SPECC1: variants seen among roughly 807,000 people sequenced by gnomAD.
SPECC1 encodes sperm antigen with calponin homology and coiled-coil domains 1.
Under a neutral mutation model 104.1 loss-of-function variants are expected in SPECC1, and 62 were observed. That is an observed-to-expected ratio of 0.60 (90% confidence interval 0.49 to 0.74). The LOEUF (loss-of-function observed/expected upper bound fraction) is 0.74, where lower values mean the gene tolerates loss of function less well. SPECC1 is among the 30% of genes least tolerant of loss of function. The pLI is 0.00. For missense variants in SPECC1, 1,306 were observed against 1,310.5 expected, an observed-to-expected ratio of 1.00 and a Z score of 0.05; for synonymous variants, 513 against 501.6, an observed-to-expected ratio of 1.02 and a Z score of -0.30.
At position 20,310,853 on chromosome 17, in the gene SPECC1, A is replaced by AT. The variant is rs1453661595; in HGVS notation, c.3118-3119dup. ...ATTTGTGCTTGATTGTGTGACAAGCATTTTGTTTTTCATATTTACTGTATG... is the reference window on the plus strand; with the variant it reads ...ATTTGTGCTTGATTGTGTGACAAGCATTTTTGTTTTTCATATTTACTGTATG... On this transcript the variant is annotated intron_variant, in intron 14 of 14. Transcript: ENST00000395527. Among the ~76,000 whole-genome samples, 1,235 of 151,508 alleles carry AT rather than the reference A, an allele frequency of 8.2e-3. 13 individuals are homozygous for AT. Among genetic ancestry groups the AT allele is most frequent in the African/African-American group, 0.028 (1,146 of 41,190 alleles).
chr17:20,297,646 C>A (rs950305431), intron 13 of SPECC1, among the ~76,000 whole-genome samples: 1 of 152,190 alleles, frequency 6.6e-6, no homozygotes, highest in Admixed American at 6.5e-5. Context: ...GCTAAAGAGG[C>A]CATTGATCAC....
At chr17:20,014,359 T>A (rs1289977299) in intron 1 of SPECC1, among the ~76,000 whole-genome samples, 1 of 152,236 alleles carries the variant, frequency 6.6e-6, no homozygotes, top group Non-Finnish European at 1.5e-5. Context: ...TTTTTGGGTT[T>A]TCATACATTA....
At chr17:20,050,033 T>A (rs2045680615) in intron 1 of SPECC1, among the ~76,000 whole-genome samples, 1 of 152,096 alleles carries the variant, frequency 6.6e-6, no homozygotes, top group African/African-American at 2.4e-5. Context: ...CTCAGGCTGG[T>A]CTCGAACTCC....
intron 12 of SPECC1, among the ~76,000 whole-genome samples, chr17:20,292,847 A>G (rs1275286271): frequency 1.3e-5 from 2 of 152,194 alleles, no homozygotes; most frequent in Non-Finnish European, 2.9e-5. Flanking sequence ...GCCAAGATGA[A>G]GAGACGTTAT....
At chr17:20,186,256 G>A (rs2035265868) in intron 3 of SPECC1, among the ~76,000 whole-genome samples, 2 of 152,092 alleles carry the variant, frequency 1.3e-5, no homozygotes, top group Non-Finnish European at 2.9e-5. Context: ...TTGGTTTCCT[G>A]GTGCATACAA....
At chr17:20,039,919 T>C (rs945974131) in intron 1 of SPECC1, among the ~76,000 whole-genome samples, 3 of 152,220 alleles carry the variant, frequency 2.0e-5, no homozygotes, top group Non-Finnish European at 4.4e-5. Flanking sequence ...TTTTAATTGA[T>C]ATAATTAGAT....
At chr17:20,112,176 C>T in intron 3 of SPECC1, 1 of 763,616 alleles carries the variant, frequency 1.3e-6, no homozygotes, top group South Asian at 1.3e-5. Context: ...TGCTGGCCCA[C>T]ATGTTTAAGG....
intron 12 of SPECC1, among the ~76,000 whole-genome samples, chr17:20,291,284 C>G (rs958518770): frequency 2.0e-5 from 3 of 152,198 alleles, no homozygotes; most frequent in African/African-American, 7.2e-5. Context: ...TCACTCTTGT[C>G]GAAGACATGA....
intron 12 of SPECC1, among the ~76,000 whole-genome samples, chr17:20,293,788 T>C (rs9325894): frequency 0.71 from 107,773 of 152,106 alleles, 39,988 homozygotes; most frequent in East Asian, 0.99. Context: ...CCAGCTTTAG[T>C]AGGCTTGGGA....
At chr17:20,079,081 T>C (rs2046870718) in intron 1 of SPECC1, among the ~76,000 whole-genome samples, 1 of 152,226 alleles carries the variant, frequency 6.6e-6, no homozygotes, top group Non-Finnish European at 1.5e-5. Flanking sequence ...TTAAAGATGC[T>C]TAAAGGTCTT....
At chr17:20,234,366 C>T (rs2038781669) in intron 7 of SPECC1, among the ~76,000 whole-genome samples, 1 of 152,204 alleles carries the variant, frequency 6.6e-6, no homozygotes, top group Non-Finnish European at 1.5e-5. Flanking sequence ...CAGACAAGTG[C>T]CGGAGATGCT....
chr17:20,058,291 C>T (rs2046043593), intron 1 of SPECC1, among the ~76,000 whole-genome samples: 1 of 152,172 alleles, frequency 6.6e-6, no homozygotes, highest in South Asian at 2.1e-4. Context: ...ACTGTCCATA[C>T]TGCATGTTGA....
At chr17:20,306,239 C>A in intron 14 of SPECC1, 157 bp downstream of exon 14, 1 of 571,114 alleles carries the variant, frequency 1.8e-6, no homozygotes, top group East Asian at 2.9e-5. Context: ...GATATAATCA[C>A]ATATCAACAT....
At chr17:20,176,204 C>G (rs2034461728) in intron 3 of SPECC1, among the ~76,000 whole-genome samples, 1 of 152,182 alleles carries the variant, frequency 6.6e-6, no homozygotes, top group Non-Finnish European at 1.5e-5. Flanking sequence ...GTTCTTTGAA[C>G]AAAGCCCAGA....
intron 1 of SPECC1, among the ~76,000 whole-genome samples, chr17:20,058,878 C>T (rs1459931419): frequency 9.9e-5 from 13 of 130,838 alleles, no homozygotes; most frequent in Admixed American, 3.6e-4. Flanking sequence ...ATCGCTCTGT[C>T]GCCCAGGCTG....
At chr17:20,036,485 C>T (rs2045086559) in intron 1 of SPECC1, among the ~76,000 whole-genome samples, 1 of 152,160 alleles carries the variant, frequency 6.6e-6, no homozygotes, top group South Asian at 2.1e-4. Context: ...TCATGTACAA[C>T]ATGATGTTTT....
At chr17:20,285,417 T>TG (rs1218763322) in intron 12 of SPECC1, among the ~76,000 whole-genome samples, 1 of 152,148 alleles carries the variant, frequency 6.6e-6, no homozygotes, top group Non-Finnish European at 1.5e-5. Context: ...TATCTTACTT[T>TG]TTTTTTTTCC....
At chr17:20,049,710 T>A (rs937917836) in intron 1 of SPECC1, among the ~76,000 whole-genome samples, 12 of 152,312 alleles carry the variant, frequency 7.9e-5, no homozygotes, top group African/African-American at 2.9e-4. Flanking sequence ...TTTTATAACT[T>A]CAGGGTTTTT....
At chr17:20,127,708 A>AT (rs966884944) in intron 3 of SPECC1, among the ~76,000 whole-genome samples, 1 of 151,998 alleles carries the variant, frequency 6.6e-6, no homozygotes, top group African/African-American at 2.4e-5. Context: ...CAATTTTGCC[A>AT]TTTTTTTCTT....
Sources: gnomAD v4.1 joint callset for allele counts (sites outside exome capture counted in the v4.1 genomes callset) on GRCh38, gnomAD v4.1.1 for gene constraint, MANE v1.5 for transcripts, NCBI Gene and HGNC (gene_info 2026-07-23, HGNC 2026-07-21) for gene names.